The following ABAT variants were observed in gnomAD, a reference collection of about 807,000 sequenced individuals.
ABAT encodes 4-aminobutyrate aminotransferase, mitochondrial.
ABAT carries 45 observed loss-of-function variants against 64.6 expected under a neutral mutation model. The observed-to-expected ratio is 0.70, with a 90% CI of 0.55 to 0.89. ABAT has a LOEUF of 0.89. ABAT is among the 40% of genes least tolerant of loss of function. ABAT has a pLI of 0.00. For missense variants in ABAT, 633 were observed against 658.4 expected (o/e 0.96, Z 0.42); for synonymous variants, 297 against 250.5 (o/e 1.19, Z -1.75).
chr16:8,724,786 G>A (rs1019670931), intron 1 of ABAT, among the ~76,000 whole-genome samples: 1 of 147,624 alleles, frequency 6.8e-6, no homozygotes. Flanking sequence ...CAATCTTGGG[G>A]TCACACAGCC....
chr16:8,766,985 CA>C (rs1316499640), intron 9 of ABAT, among the ~76,000 whole-genome samples: 2 of 151,892 alleles, frequency 1.3e-5, no homozygotes, highest in South Asian at 4.2e-4. Context: ...CAAAACAAAA[CA>C]AAAAAAGTAC....
intron 1 of ABAT, among the ~76,000 whole-genome samples, chr16:8,725,453 T>C (rs1474720209): frequency 6.6e-6 from 1 of 152,228 alleles, no homozygotes; most frequent in Non-Finnish European, 1.5e-5. Context: ...TTCCTATAAA[T>C]GGATTCGTAG....
At chr16:8,772,380 G>A (rs2060137584) in intron 11 of ABAT, among the ~76,000 whole-genome samples, 1 of 151,366 alleles carries the variant, frequency 6.6e-6, no homozygotes, top group Non-Finnish European at 1.5e-5. Flanking sequence ...AGTGACAGGT[G>A]CATGTTCCAT....
chr16:8,779,223 G>T (rs1414883633), intron 14 of ABAT, among the ~76,000 whole-genome samples: 1 of 152,204 alleles, frequency 6.6e-6, no homozygotes, highest in Non-Finnish European at 1.5e-5. Flanking sequence ...ACAGTGAGAG[G>T]GACAGAGCTG....
At chr16:8,685,817 T>A (rs1216626315) in intron 1 of ABAT, among the ~76,000 whole-genome samples, 2 of 152,100 alleles carry the variant, frequency 1.3e-5, no homozygotes, top group Non-Finnish European at 2.9e-5. Context: ...TCCCGCCAGG[T>A]GACCCATGAT....
At position 8,783,980 on chromosome 16, in the gene ABAT, G is replaced by C. The variant is rs930907721; in HGVS notation, c.*2550G>C. 3.9e-5 allele frequency: 6 copies of C among 152,174 alleles called. No individual in the cohort carries two copies. Among genetic ancestry groups the C allele is most frequent in the Non-Finnish European group, 7.3e-5 (5 of 68,040 alleles). 9.4% of individuals were successfully genotyped at this position (152,174 alleles called of 1,614,324 possible). A position where few individuals can be genotyped will look rare whatever the true frequency, so the allele number is the denominator to read the frequency against. The stretch of plus-strand genomic sequence containing the variant: ...ATGAGTTCCTGAGACATGCTCTTTT[G>C]GGGGCTGGGGCTTTAGCTAGAAGAA... On this transcript the variant is annotated 3_prime_UTR_variant, in exon 16 of 16. Coordinates refer to ENST00000268251, the MANE Select transcript of ABAT (RefSeq NM_020686.6).
intron 13 of ABAT, among the ~76,000 whole-genome samples, chr16:8,775,555 C>T (rs1365560481): frequency 1.6e-5 from 1 of 64,392 alleles, no homozygotes; most frequent in African/African-American, 5.2e-5. Context: ...GCCATGTGTG[C>T]ATACAGATTT....
intron 1 of ABAT, among the ~76,000 whole-genome samples, chr16:8,699,840 CTTTT>C (rs2057780785): frequency 6.6e-6 from 1 of 150,532 alleles, no homozygotes; most frequent in Non-Finnish European, 1.5e-5. Context: ...CTCTTTCTTT[CTTTT>C]GAGACAGAAC....
chr16:8,764,893 ACCCC>A lies in ABAT; in HGVS notation c.540+64_540+67del. 7.0e-7 allele frequency: 1 copy of A among 1,422,176 alleles called. No homozygotes were observed. The highest frequency in any genetic ancestry group is 1.1e-5 in the South Asian group (1 of 87,040). 88.1% of individuals were successfully genotyped at this position (1,422,176 alleles called of 1,614,324 possible). On this transcript the variant is annotated intron_variant, in intron 8 of 15. Coordinates refer to ENST00000268251, the MANE Select transcript of ABAT (RefSeq NM_020686.6). This position sits in a 1 kb window ranked among gnomAD's most constrained non-coding sequence, Gnocchi z 4.2. ...CTCCCCAGCACCCAGCCACACGCTC[ACCCC>A]TTGTCTGACTGTTCATTCCAATGGG...
At chr16:8,722,714 T>G in intron 1 of ABAT, 1 of 854,908 alleles carries the variant, frequency 1.2e-6, no homozygotes, top group Admixed American at 2.6e-5. Flanking sequence ...GTGCCAGTGC[T>G]CTGAAAGCAC....
In ABAT at chr16:8,764,606, G is replaced by T; in HGVS notation, c.448-132G>T. On this transcript the variant is annotated intron_variant, in intron 7 of 15. Coordinates refer to ENST00000268251, the MANE Select transcript of ABAT (RefSeq NM_020686.6). The surrounding 1 kb of genome is among the most constrained non-coding windows in gnomAD (Gnocchi z 4.2). ...AAGCCTGAGCCCACCCTCCCAGTCC[G>T]ACACCTTCCAGGACAGCCCTGGTTC... The T allele has an allele frequency of 1.1e-6, 1 of 896,420 alleles. No individual in the cohort carries two copies. The allele number at this position is 896,420 out of a possible 1,614,324, so 55.5% of individuals were successfully genotyped here.
At chr16:8,737,932 AAAGAAAGG>A (rs1485764784) in intron 2 of ABAT, among the ~76,000 whole-genome samples, 1 of 96,464 alleles carries the variant, frequency 1.0e-5, no homozygotes, top group Non-Finnish European at 2.1e-5. Flanking sequence ...AAAAAAAAAA[AAAGAAAGG>A]AAAGGAAGAA....
At chr16:8,720,881 G>A (rs1404861664) in intron 1 of ABAT, 1 of 152,268 alleles carries the variant, frequency 6.6e-6, no homozygotes, top group Non-Finnish European at 1.5e-5. Flanking sequence ...TCTAGCCGAT[G>A]ATGCATGCAA....
rs2060222907 is a variant in ABAT, at chr16:8,774,941, G to A, written c.1006G>A (p.Gly336Ser). 1 of 1,614,186 alleles carries A rather than the reference G, an allele frequency of 6.2e-7. No homozygotes were observed. Among genetic ancestry groups the A allele is most frequent in the Non-Finnish European group, 8.5e-7 (1 of 1,180,036 alleles). ...GGTCCAGACCGGAGGAGGCTGCACG[G>A]GCAAGTTCTGGGCCCATGAGCACTG... The part of the protein sequence containing the change: ...DEVQTGGGCT[G>S]KFWAHEHWGL... Residue 336 changes from glycine (G) to serine (S), a missense_variant, in exon 13 of 16, where the codon GGC becomes AGC. Gly to Ser is a moderately conservative substitution (Grantham distance 56, BLOSUM62 0). Coordinates refer to ENST00000268251, the MANE Select transcript of ABAT (RefSeq NM_020686.6).
At chr16:8,731,675 CAT>C (rs967058710) in intron 1 of ABAT, 54 of 151,164 alleles carry the variant, frequency 3.6e-4, no homozygotes, top group Non-Finnish European at 5.5e-4. Context: ...ACACAGATAA[CAT>C]AAAATTTACC....
chr16:8,696,208 C>G (rs886257992), intron 1 of ABAT, among the ~76,000 whole-genome samples: 5 of 152,198 alleles, frequency 3.3e-5, no homozygotes, highest in African/African-American at 1.2e-4. Context: ...TACTGTTGCA[C>G]TCCATTCTGT....
chr16:8,734,965 T>C (rs140175564), intron 1 of ABAT, among the ~76,000 whole-genome samples: 362 of 151,856 alleles, frequency 2.4e-3, no homozygotes, highest in Non-Finnish European at 4.3e-3. Context: ...CCCAGCACTT[T>C]GGGAGGCCAA....
At chr16:8,679,453 G>A (rs1459188207) in intron 1 of ABAT, among the ~76,000 whole-genome samples, 2 of 148,996 alleles carry the variant, frequency 1.3e-5, no homozygotes, top group African/African-American at 5.0e-5. Context: ...CCTCAGGCCA[G>A]CCACTTTAAC....
intron 1 of ABAT, among the ~76,000 whole-genome samples, chr16:8,692,676 G>A (rs192260054): frequency 2.3e-3 from 352 of 152,324 alleles, no homozygotes; most frequent in Admixed American, 3.7e-3. Flanking sequence ...TATGCCAAAG[G>A]TCACTGCACT....
Sources: gnomAD v4.1 joint callset for allele counts (sites outside exome capture counted in the v4.1 genomes callset) on GRCh38, gnomAD v4.1.1 for gene constraint, Gnocchi (gnomAD v3.1) non-coding constraint, MANE v1.5 for transcripts, NCBI Gene and HGNC (gene_info 2026-07-23, HGNC 2026-07-21) for gene names.